The following ICAM2 variants were observed in gnomAD, a reference collection of about 807,000 sequenced individuals.
ICAM2 encodes the protein intercellular adhesion molecule 2.
ICAM2 carries 14 observed loss-of-function variants against 19.1 expected under a neutral mutation model. The ratio of observed to expected loss-of-function variants is 0.73; its 90% confidence interval spans 0.48 to 1.15. The LOEUF (loss-of-function observed/expected upper bound fraction) is 1.15. ICAM2 is among the 50% of genes most tolerant of loss of function. The pLI is 0.00. For missense variants in ICAM2, 311 were observed against 355.4 expected, an observed-to-expected ratio of 0.88 and a Z score of 1.00; for synonymous variants, 153 against 152.7, an observed-to-expected ratio of 1.00 and a Z score of -0.01.
At chr17:64,011,799 T>A (rs1193267072) in intron 1 of ICAM2, among the ~76,000 whole-genome samples, 1 of 152,196 alleles carries the variant, frequency 6.6e-6, no homozygotes, top group Non-Finnish European at 1.5e-5. Flanking sequence ...GAAAAAGGAA[T>A]GCTTACATGC....
At chr17:64,010,366 G>A (rs1911401020) in intron 1 of ICAM2, among the ~76,000 whole-genome samples, 1 of 152,108 alleles carries the variant, frequency 6.6e-6, no homozygotes, top group African/African-American at 2.4e-5. Context: ...TCTCAAGGAA[G>A]GGGGCTATAA....
Position 64,006,644 on chromosome 17 carries a change from C to T in ICAM2, c.48G>A (p.Leu16=), listed in dbSNP as rs1228292292. The T allele has an allele frequency of 6.2e-7, 1 of 1,614,030 alleles. No individual in the cohort carries two copies. Among genetic ancestry groups the T allele is most frequent in the Non-Finnish European group, 8.5e-7 (1 of 1,180,010 alleles). The part of the protein sequence containing the change: ...YRTLTVALFT[L]ICCPGSDEKV... ...AAACTGGCTTACCTGGACAGCAGAT[C>T]AGGGTGAAGAGGGCCACAGTCAGGG... Residue 16 remains leucine, a synonymous_variant, in exon 2 of 5, where the codon CTG becomes CTA. Coordinates refer to ENST00000579788, the MANE Select transcript of ICAM2 (RefSeq NM_001099789.2).
chr17:64,012,078 T>A (rs568578778), intron 1 of ICAM2, among the ~76,000 whole-genome samples: 1 of 152,328 alleles, frequency 6.6e-6, no homozygotes, highest in East Asian at 1.9e-4. Context: ...TGGAATACTA[T>A]TCAGCCTTAA....
At chr17:64,017,217 G>T (rs890038730) in intron 1 of ICAM2, among the ~76,000 whole-genome samples, 2 of 152,136 alleles carry the variant, frequency 1.3e-5, no homozygotes, top group African/African-American at 4.8e-5. Flanking sequence ...AAATCCAAAA[G>T]AATCATCAGG....
At chr17:64,005,056 A>C in intron 3 of ICAM2, 51 bp downstream of exon 3, 1 of 1,606,662 alleles carries the variant, frequency 6.2e-7, no homozygotes, top group Non-Finnish European at 8.5e-7. Context: ...CATTCAGTAG[A>C]CACAGCCTCT....
intron 1 of ICAM2, among the ~76,000 whole-genome samples, chr17:64,012,077 A>G (rs1911476355): frequency 2.0e-5 from 3 of 152,268 alleles, no homozygotes; most frequent in South Asian, 4.1e-4. Flanking sequence ...GTGGAATACT[A>G]TTCAGCCTTA....
intron 1 of ICAM2, among the ~76,000 whole-genome samples, chr17:64,013,507 G>GAA (rs112468568): frequency 4.1e-4 from 60 of 145,252 alleles, no homozygotes; most frequent in African/African-American, 1.2e-3. Flanking sequence ...TCTCAAAAAA[G>GAA]AAAAAAAAAA....
intron 1 of ICAM2, 157 bp from the exon 2 acceptor site, chr17:64,006,892 G>A (rs1911238699): frequency 3.3e-6 from 2 of 598,600 alleles, no homozygotes; most frequent in South Asian, 2.0e-5. Flanking sequence ...AATCCAGGCA[G>A]AGGAAGCTGG....
intron 2 of ICAM2, 30 bp from the exon 3 acceptor site, chr17:64,005,403 G>A: frequency 6.2e-7 from 1 of 1,602,186 alleles, no homozygotes; most frequent in South Asian, 1.1e-5. Flanking sequence ...GGGCAGTCGT[G>A]TCATCCCCCC....
chr17:64,014,428 G>A lies in ICAM2; in HGVS notation c.-45+6095C>T, dbSNP rs12937630. Reference sequence around the variant, plus strand: ...GGAAGAGAAAGAGAAAGAAAGGAAGGAAGGAAGGAAGAGAGAGAGAGAGAA... The same window carrying A: ...GGAAGAGAAAGAGAAAGAAAGGAAGAAAGGAAGGAAGAGAGAGAGAGAGAA... On this transcript the variant is annotated intron_variant, in intron 1 of 4. Coordinates refer to ENST00000579788, the MANE Select transcript of ICAM2 (RefSeq NM_001099789.2). 6.2e-4 allele frequency among the ~76,000 whole-genome samples: 40 copies of A among 64,834 alleles called. 1 individual carries two copies. The East Asian group carries it at 0.019, about 31-fold the overall frequency. 42.5% of individuals were successfully genotyped at this position (64,834 alleles called of 152,430 possible).
chr17:64,005,377 G>A lies in ICAM2; in HGVS notation c.62-4C>T. On this transcript the variant is annotated splice_region_variant and splice_polypyrimidine_tract_variant and intron_variant, in intron 2 of 4. Transcript: ENST00000579788. Reference sequence around the variant, plus strand: ...TCGAATACCTTCTCATCCGATCCTGGAAAACCAGAAACACTGGGCAGTCGT... The same window carrying A: ...TCGAATACCTTCTCATCCGATCCTGAAAAACCAGAAACACTGGGCAGTCGT... 2 of 1,611,346 alleles carry A rather than the reference G, an allele frequency of 1.2e-6. No individual in the cohort carries two copies. Among genetic ancestry groups the A allele is most frequent in the South Asian group, 1.1e-5 (1 of 90,938 alleles).
chr17:64,016,671 G>A (rs1911729666), intron 1 of ICAM2, among the ~76,000 whole-genome samples: 1 of 152,168 alleles, frequency 6.6e-6, no homozygotes. Context: ...AGCTTCCGTC[G>A]CCTACAGCTG....
intron 1 of ICAM2, among the ~76,000 whole-genome samples, chr17:64,008,664 C>T (rs1247323968): frequency 6.6e-6 from 1 of 152,136 alleles, no homozygotes; most frequent in African/African-American, 2.4e-5. Context: ...TTGAAGCCCG[C>T]CCGAGCAGGC....
chr17:64,008,845 C>T (rs1911328658), intron 1 of ICAM2, among the ~76,000 whole-genome samples: 1 of 152,154 alleles, frequency 6.6e-6, no homozygotes, highest in Non-Finnish European at 1.5e-5. Context: ...AGGGACAGTG[C>T]TTGGGAATCC....
chr17:64,006,437 C>A, intron 2 of ICAM2, 194 bp downstream of exon 2: 1 of 576,676 alleles, frequency 1.7e-6, no homozygotes, highest in Non-Finnish European at 3.1e-6. Context: ...CAGGGAGGTG[C>A]AGTGAGCCAT....
chr17:64,011,018 G>GAA (rs200478231), intron 1 of ICAM2, among the ~76,000 whole-genome samples: 75 of 149,406 alleles, frequency 5.0e-4, no homozygotes, highest in African/African-American at 1.7e-3. Flanking sequence ...TCAATAGCAA[G>GAA]AAAAAAAAAC....
At position 64,003,789 on chromosome 17, in the gene ICAM2, C is replaced by T. The variant is rs772873850; in HGVS notation, c.504G>A (p.Pro168=). ...YETFGKAAPA[P]QEATATFNST... ...TGTTGAATGTGGCTGTGGCCTCCTG[C>T]GGAGCAGGGGCTGCCTTCCCGAAGG... is the stretch of plus-strand genomic sequence containing the variant. Residue 168 remains proline, a synonymous_variant, in exon 4 of 5, where the codon CCG becomes CCA. Transcript: ENST00000579788. 1.9e-6 allele frequency: 3 copies of T among 1,614,242 alleles called. No homozygotes were observed. The highest frequency in any genetic ancestry group is 2.5e-6 in the Non-Finnish European group (3 of 1,180,052).
At chr17:64,009,648 C>T (rs565466151) in intron 1 of ICAM2, among the ~76,000 whole-genome samples, 12 of 152,206 alleles carry the variant, frequency 7.9e-5, no homozygotes, top group South Asian at 6.2e-4. Flanking sequence ...AAAATGTCCA[C>T]GACAGGAAAA....
At chr17:64,009,500 T>G (rs1911357541) in intron 1 of ICAM2, among the ~76,000 whole-genome samples, 1 of 152,060 alleles carries the variant, frequency 6.6e-6, no homozygotes, top group Non-Finnish European at 1.5e-5. Context: ...CAGGCTGGAG[T>G]GCAGTGATGC....
Sources: gnomAD v4.1 joint callset for allele counts (sites outside exome capture counted in the v4.1 genomes callset) on GRCh38, gnomAD v4.1.1 for gene constraint, MANE v1.5 for transcripts, NCBI Gene and HGNC (gene_info 2026-07-23, HGNC 2026-07-21) for gene names.